The following AFAP1L2 variants were observed in gnomAD, a reference collection of about 807,000 sequenced individuals.
AFAP1L2 encodes actin filament associated protein 1 like 2.
Under a neutral mutation model 99.3 loss-of-function variants are expected in AFAP1L2, and 46 were observed. That is an observed-to-expected ratio of 0.46 (90% CI 0.37 to 0.59). The LOEUF is 0.59. Among genes scored for constraint, AFAP1L2 ranks in the 20% least tolerant of loss-of-function variants. The probability of loss-of-function intolerance (pLI) is 0.00; values close to 1 mark genes in which losing one functional copy is unlikely to be tolerated. For missense variants in AFAP1L2, 959 were observed against 1,034.9 expected, an observed-to-expected ratio of 0.93 and a Z score of 1.01; for synonymous variants, 397 against 419.1, an observed-to-expected ratio of 0.95 and a Z score of 0.64.
chr10:114,315,587 G>C lies in AFAP1L2; in HGVS notation c.585C>G (p.Leu195=). ...KKWLGQWAKQ[L]CVIKDNRLLC... is the part of the protein sequence containing the mutation. ...GAAGCCTGTTGTCCTTGATGACACAGAGCTGCTTGGCCCACTGTCCCAGCC... is the reference window on the plus strand; with the variant it reads ...GAAGCCTGTTGTCCTTGATGACACACAGCTGCTTGGCCCACTGTCCCAGCC... The change falls in exon 6 of 19, where the codon CTC becomes CTG. Residue 195 remains leucine (L), a synonymous_variant. Transcript: ENST00000304129. 6.2e-7 allele frequency: 1 copy of C among 1,614,104 alleles called. No individual in the cohort carries two copies. Among genetic ancestry groups the C allele is most frequent in the Non-Finnish European group, 8.5e-7 (1 of 1,180,010 alleles).
chr10:114,318,041 G>A (rs919469780), intron 5 of AFAP1L2, among the ~76,000 whole-genome samples: 1 of 152,126 alleles, frequency 6.6e-6, no homozygotes, highest in Non-Finnish European at 1.5e-5. Context: ...AACTCCCTAA[G>A]GTATGATAAG....
chr10:114,356,299 G>A (rs560875249), intron 1 of AFAP1L2, among the ~76,000 whole-genome samples: 40 of 152,202 alleles, frequency 2.6e-4, no homozygotes, highest in Middle Eastern at 3.4e-3. Context: ...ATAATGAGTC[G>A]CCTCACATCA....
At chr10:114,366,381 G>C (rs768716534) in intron 1 of AFAP1L2, among the ~76,000 whole-genome samples, 1 of 152,168 alleles carries the variant, frequency 6.6e-6, no homozygotes, top group Non-Finnish European at 1.5e-5. Context: ...ATGATCAATG[G>C]AAGGGCAGTG....
the AFAP1L2 span, among the ~76,000 whole-genome samples, chr10:114,286,703 C>A: frequency 1.4e-3 from 215 of 152,328 alleles, no homozygotes; most frequent in Middle Eastern, 0.01. Flanking sequence ...ATAGTAGTAC[C>A]TCCTGAGAGA....
intron 18 of AFAP1L2, 51 bp downstream of exon 18, chr10:114,296,927 C>A: frequency 6.2e-7 from 1 of 1,613,364 alleles, no homozygotes; most frequent in Non-Finnish European, 8.5e-7. Flanking sequence ...TGGGCCCCTA[C>A]CTTAGTGACA....
At chr10:114,329,378 G>A (rs953536513) in intron 4 of AFAP1L2, among the ~76,000 whole-genome samples, 3 of 152,198 alleles carry the variant, frequency 2.0e-5, no homozygotes, top group African/African-American at 7.2e-5. Flanking sequence ...AGTCCATGCT[G>A]TGCTTGTAAA....
At chr10:114,283,751 T>C in the AFAP1L2 span, among the ~76,000 whole-genome samples, 2 of 152,216 alleles carry the variant, frequency 1.3e-5, no homozygotes, top group Non-Finnish European at 2.9e-5. Flanking sequence ...ACATAATAGA[T>C]GCTCAGTTAA....
At chr10:114,281,334 G>A in the AFAP1L2 span, 3 of 152,316 alleles carry the variant, frequency 2.0e-5, no homozygotes, top group Non-Finnish European at 4.4e-5. Flanking sequence ...TGGCCCCGGA[G>A]ACGCAGGAGA....
chr10:114,373,398 G>C (rs905496723), intron 1 of AFAP1L2, among the ~76,000 whole-genome samples: 134 of 152,282 alleles, frequency 8.8e-4, no homozygotes, highest in African/African-American at 3.0e-3. Flanking sequence ...GGCTGAGGTG[G>C]GCAGATCACC....
In AFAP1L2 at chr10:114,315,103, T is replaced by G. The variant is rs192918069; in HGVS notation, c.612+457A>C. ...TTGCAGTGAGCCAAGATTGCGCCAC[T>G]GCACTGCAGCCTGGGCGACAGAGCA... On this transcript the variant is annotated intron_variant, in intron 6 of 18. Coordinates refer to ENST00000304129, the MANE Select transcript of AFAP1L2 (RefSeq NM_001001936.3). 3.5e-3 allele frequency among the ~76,000 whole-genome samples: 533 copies of G among 152,282 alleles called. 6 individuals carry two copies. The highest frequency in any genetic ancestry group is 0.012 in the African/African-American group (508 of 41,550).
chr10:114,305,347 T>TGGGCTGCAGGAGGGAGCG (rs2042024200), intron 10 of AFAP1L2, among the ~76,000 whole-genome samples: 15 of 58,748 alleles, frequency 2.6e-4, no homozygotes, highest in Non-Finnish European at 4.1e-4. Flanking sequence ...AGGAGGGGAC[T>TGGGCTGCAGGAGGGAGCG]GGGCTGCAGG....
At chr10:114,375,894 A>G (rs1368108978) in intron 1 of AFAP1L2, among the ~76,000 whole-genome samples, 1 of 152,210 alleles carries the variant, frequency 6.6e-6, no homozygotes, top group African/African-American at 2.4e-5. Context: ...CAGGAGATAG[A>G]GGCTGCAGTG....
chr10:114,299,706 G>A (rs142947072), intron 15 of AFAP1L2, among the ~76,000 whole-genome samples: 4,417 of 152,266 alleles, frequency 0.029, 237 homozygotes, highest in African/African-American at 0.1. Context: ...TTGAATCAGT[G>A]GACTGGGAGA....
rs143061376 is a variant in AFAP1L2, at chr10:114,361,714, T to C, written c.17-20983A>G. 1.1e-4 allele frequency among the ~76,000 whole-genome samples: 16 copies of C among 152,286 alleles called. No individual in the cohort carries two copies. The East Asian group carries it at 2.9e-3, about 28-fold the overall frequency. On this transcript the variant is annotated intron_variant, in intron 1 of 18. Coordinates refer to ENST00000304129, the MANE Select transcript of AFAP1L2 (RefSeq NM_001001936.3). ...TGTGCTTCCCACGGCTTCATTTCCT[T>C]GGGAACTCACTTCTGCACCAAATAT...
chr10:114,297,467 G>A lies in AFAP1L2; in HGVS notation c.2114-54C>T. ...GAACAGCATCTCAGCCCAGGCCAGG[G>A]AGCCCTGCTGGGTGGAGGCAGGGTC... On this transcript the variant is annotated intron_variant, in intron 16 of 18. Transcript: ENST00000304129. The A allele has an allele frequency of 2.6e-6, 4 of 1,568,404 alleles. No individual in the cohort carries two copies. In the Admixed American group the frequency reaches 7.1e-5, roughly 28 times the overall value.
intron 2 of AFAP1L2, among the ~76,000 whole-genome samples, chr10:114,336,483 G>A (rs1037962896): frequency 2.6e-5 from 4 of 152,222 alleles, no homozygotes; most frequent in East Asian, 1.9e-4. Flanking sequence ...GAATCTGATC[G>A]TTACACAGTG....
intron 1 of AFAP1L2, among the ~76,000 whole-genome samples, chr10:114,372,356 T>G (rs931366393): frequency 6.6e-6 from 1 of 152,192 alleles, no homozygotes; most frequent in Non-Finnish European, 1.5e-5. Flanking sequence ...TGCCATTGTG[T>G]GTCTGAGAAT....
intron 2 of AFAP1L2, among the ~76,000 whole-genome samples, chr10:114,336,418 A>G (rs1257185697): frequency 6.6e-6 from 1 of 152,212 alleles, no homozygotes; most frequent in African/African-American, 2.4e-5. Context: ...ACAGCAGAAA[A>G]CAGATGTTAC....
Position 114,313,928 on chromosome 10 carries a change from A to G in AFAP1L2, c.735T>C (p.Asn245=), listed in dbSNP as rs771385133. 6.2e-7 allele frequency: 1 copy of G among 1,613,954 alleles called. No homozygotes were observed. The highest frequency in any genetic ancestry group is 2.2e-5 in the East Asian group (1 of 44,832). The change falls in exon 7 of 19, where the codon AAT becomes AAC. Residue 245 remains asparagine, a synonymous_variant. Coordinates refer to ENST00000304129, the MANE Select transcript of AFAP1L2 (RefSeq NM_001001936.3). ...GCAGGCCCAGCACAATCACATCGGC[A>G]TTCATCGGCGTGATCTTCAGCTTGT... ...KEHKLKITPM[N]ADVIVLGLQS... is the part of the protein sequence containing the mutation.
Sources: allele counts gnomAD v4.1 joint callset (sites outside exome capture counted in the v4.1 genomes callset), GRCh38; gene constraint gnomAD v4.1.1; transcripts MANE v1.5; gene names NCBI Gene and HGNC (gene_info 2026-07-23, HGNC 2026-07-21).